The following SLC35F2 variants were observed in gnomAD, a reference collection of about 807,000 sequenced individuals.
The protein encoded by SLC35F2 is queuine/queuosine transporter SLC35F2.
Under a neutral mutation model 38.1 loss-of-function variants are expected in SLC35F2, and 25 were observed. The observed-to-expected ratio is 0.66, with a 90% CI of 0.48 to 0.92. The LOEUF (loss-of-function observed/expected upper bound fraction) is 0.92, where lower values mean the gene tolerates loss of function less well. Ranked by LOEUF, SLC35F2 falls within the 40% of genes least tolerant of loss-of-function variation. The pLI is 0.00. For synonymous variants in SLC35F2, 173 were observed against 181.7 expected, an observed-to-expected ratio of 0.95 and a Z score of 0.38; for missense variants, 409 against 452.9, an observed-to-expected ratio of 0.90 and a Z score of 0.88.
intron 1 of SLC35F2, among the ~76,000 whole-genome samples, chr11:107,833,790 G>A (rs560404013): frequency 6.6e-6 from 1 of 152,278 alleles, no homozygotes; most frequent in South Asian, 2.1e-4. Flanking sequence ...CCCAAGGAAG[G>A]GGCTTGATTA....
intron 1 of SLC35F2, 128 bp from the exon 2 acceptor site, chr11:107,816,093 T>C: frequency 7.7e-7 from 1 of 1,303,796 alleles, no homozygotes; most frequent in Non-Finnish European, 9.8e-7. Context: ...TCCAGGTGGT[T>C]CTTCATTTCA....
rs541185009 is a variant in SLC35F2, at chr11:107,842,257, C to CAAAAAAAAAAAAAAAAA, written c.110+16384_110+16400dup. Among the ~76,000 whole-genome samples the CAAAAAAAAAAAAAAAAA allele has an allele frequency of 1.3e-3, 51 of 37,902 alleles. 7 individuals carry two copies. Among genetic ancestry groups the CAAAAAAAAAAAAAAAAA allele is most frequent in the African/African-American group, 2.5e-3 (21 of 8,276 alleles). The allele number at this position is 37,902 out of a possible 152,430, so 24.9% of individuals were successfully genotyped here. A position where few individuals can be genotyped will look rare whatever the true frequency, so the allele number is the denominator to read the frequency against. On this transcript the variant is annotated intron_variant, in intron 1 of 7. Coordinates refer to ENST00000525815, the MANE Select transcript of SLC35F2 (RefSeq NM_017515.5). ...GGCGACAGAGTGAGACTCCGTCTCA[C>CAAAAAAAAAAAAAAAAA]AAAAAAAAAAAAAAAAAAAAAAAAA...
At chr11:107,832,911 G>A (rs1402073630) in intron 1 of SLC35F2, among the ~76,000 whole-genome samples, 3 of 152,096 alleles carry the variant, frequency 2.0e-5, no homozygotes, top group Non-Finnish European at 2.9e-5. Context: ...TAATCCTTGT[G>A]GCTAATTTGG....
chr11:107,802,714 C>G (rs1308613565), intron 7 of SLC35F2, among the ~76,000 whole-genome samples: 1 of 152,186 alleles, frequency 6.6e-6, no homozygotes, highest in Non-Finnish European at 1.5e-5. Flanking sequence ...TCTGGGCCAG[C>G]TTGTTTATCA....
At chr11:107,828,469 T>C (rs1211741972) in intron 1 of SLC35F2, among the ~76,000 whole-genome samples, 1 of 152,078 alleles carries the variant, frequency 6.6e-6, no homozygotes. Context: ...ACTAAAAATT[T>C]TTTTTAACTT....
chr11:107,852,913 C>A (rs1000459308), intron 1 of SLC35F2, among the ~76,000 whole-genome samples: 5 of 151,340 alleles, frequency 3.3e-5, no homozygotes, highest in African/African-American at 9.7e-5. Context: ...GCGTGGTGGC[C>A]CATGCTGATA....
rs765929457 is a variant in SLC35F2, at chr11:107,842,092, AAAAAAT to A, written c.110+16560_110+16565del. Reference sequence around the variant, plus strand: ...AAAAAAAAGAAAAATAAAGAAAAATAAAAAATAAAAATAAAAATACAAAAATTAGCT... The same window carrying A: ...AAAAAAAAGAAAAATAAAGAAAAATAAAAAATAAAAATACAAAAATTAGCT... On this transcript the variant is annotated intron_variant, in intron 1 of 7. Coordinates refer to ENST00000525815, the MANE Select transcript of SLC35F2 (RefSeq NM_017515.5). Among the ~76,000 whole-genome samples the A allele has an allele frequency of 1.2e-3, 181 of 150,598 alleles. 1 individual carries two copies. The highest frequency in any genetic ancestry group is 3.4e-3 in the Middle Eastern group (1 of 294).
intron 7 of SLC35F2, among the ~76,000 whole-genome samples, chr11:107,799,425 T>C (rs1213730399): frequency 6.6e-6 from 1 of 152,102 alleles, no homozygotes; most frequent in African/African-American, 2.4e-5. Context: ...AACTGCTATA[T>C]AGAAACACCA....
chr11:107,815,188 T>G (rs916511465), intron 2 of SLC35F2, among the ~76,000 whole-genome samples: 1 of 152,038 alleles, frequency 6.6e-6, no homozygotes, highest in Non-Finnish European at 1.5e-5. Flanking sequence ...CTTTAAGTGT[T>G]TTTAATATCA....
chr11:107,799,792 T>G (rs1469843162), intron 7 of SLC35F2, among the ~76,000 whole-genome samples: 1 of 151,788 alleles, frequency 6.6e-6, no homozygotes, highest in African/African-American at 2.4e-5. Flanking sequence ...ATGGTCTCGA[T>G]CTCTTGACCT....
intron 1 of SLC35F2, among the ~76,000 whole-genome samples, chr11:107,858,140 A>AAG (rs907364143): frequency 1.3e-5 from 2 of 152,188 alleles, no homozygotes; most frequent in Non-Finnish European, 2.9e-5. Context: ...CAGGCCCAGG[A>AAG]AGAGAGAGCC....
chr11:107,855,469 A>G (rs990074581), intron 1 of SLC35F2, among the ~76,000 whole-genome samples: 4 of 152,110 alleles, frequency 2.6e-5, no homozygotes, highest in Non-Finnish European at 5.9e-5. Context: ...CCTGACCAAC[A>G]TGGAGAAGCC....
intron 1 of SLC35F2, among the ~76,000 whole-genome samples, chr11:107,820,693 C>T (rs962992023): frequency 1.3e-5 from 2 of 152,144 alleles, no homozygotes; most frequent in Admixed American, 6.6e-5. Flanking sequence ...CAGTGGCTCA[C>T]GCCTGTAATC....
In SLC35F2 at chr11:107,852,984, T is replaced by C. The variant is rs149094688; in HGVS notation, c.110+5674A>G. Among the ~76,000 whole-genome samples, 15 of 152,006 alleles carry C rather than the reference T, an allele frequency of 9.9e-5. No homozygotes were observed. The East Asian group carries it at 2.7e-3, about 27-fold the overall frequency. On this transcript the variant is annotated intron_variant, in intron 1 of 7. Transcript: ENST00000525815. ...GCTTGAACTCAGGAGATCATGACACTGCACTCCAGCCTAGGGCTCCATCTC... is the reference window on the plus strand; with the variant it reads ...GCTTGAACTCAGGAGATCATGACACCGCACTCCAGCCTAGGGCTCCATCTC...
rs1259113903 is a variant in SLC35F2 at position 107,803,175 on chromosome 11, A to C, written c.785-20T>G. 3 of 1,587,756 alleles carry C rather than the reference A, an allele frequency of 1.9e-6. No homozygotes were observed. The African/African-American group carries it at 4.1e-5, about 22-fold the overall frequency. The stretch of plus-strand genomic sequence containing the variant: ...GCAGGGCTGTGGAAAAAAACATGGA[A>C]TATCTAATATTAGGGCAAGAAAACA... On this transcript the variant is annotated intron_variant, in intron 6 of 7. Coordinates refer to ENST00000525815, the MANE Select transcript of SLC35F2 (RefSeq NM_017515.5).
chr11:107,797,172 A>G (rs1376829981), intron 7 of SLC35F2, among the ~76,000 whole-genome samples: 1 of 151,562 alleles, frequency 6.6e-6, no homozygotes, highest in Non-Finnish European at 1.5e-5. Flanking sequence ...AAATATTTGT[A>G]TCAATAAAAA....
intron 6 of SLC35F2, among the ~76,000 whole-genome samples, chr11:107,804,149 A>G (rs1859360321): frequency 6.6e-6 from 1 of 152,058 alleles, no homozygotes; most frequent in South Asian, 2.1e-4. Context: ...AATCTAAGTT[A>G]TTTAATTGAA....
At chr11:107,795,907 G>A (rs771428597) in intron 7 of SLC35F2, among the ~76,000 whole-genome samples, 1 of 152,234 alleles carries the variant, frequency 6.6e-6, no homozygotes, top group Non-Finnish European at 1.5e-5. Flanking sequence ...GCTGAGGCGG[G>A]TGGATCACCT....
intron 1 of SLC35F2, among the ~76,000 whole-genome samples, chr11:107,818,876 C>A (rs1478708054): frequency 6.6e-6 from 1 of 152,160 alleles, no homozygotes; most frequent in Non-Finnish European, 1.5e-5. Flanking sequence ...CGTGGTGGCT[C>A]ACGCCTGTAA....
Sources: allele counts gnomAD v4.1 joint callset (sites outside exome capture counted in the v4.1 genomes callset), GRCh38; gene constraint gnomAD v4.1.1; transcripts MANE v1.5; gene names NCBI Gene and HGNC (gene_info 2026-07-23, HGNC 2026-07-21).